ITGAL: variants seen among roughly 807,000 people sequenced by gnomAD.
ITGAL encodes integrin alpha-L.
Under a neutral mutation model 138.4 loss-of-function variants are expected in ITGAL, and 68 were observed. The ratio of observed to expected loss-of-function variants is 0.49; its 90% CI spans 0.40 to 0.60. The LOEUF (loss-of-function observed/expected upper bound fraction) is 0.60, where lower values mean the gene tolerates loss of function less well. Ranked by LOEUF, ITGAL falls within the 20% of genes least tolerant of loss-of-function variation. The probability of loss-of-function intolerance (pLI) is 0.00; values close to 1 mark genes in which losing one functional copy is unlikely to be tolerated. For missense variants in ITGAL, 1,256 were observed against 1,478.6 expected, an observed-to-expected ratio of 0.85 and a Z score of 2.47; for synonymous variants, 561 against 584.3, an observed-to-expected ratio of 0.96 and a Z score of 0.57.
chr16:30,504,442 T>C (rs982584282), intron 18 of ITGAL, among the ~76,000 whole-genome samples, 178 bp downstream of exon 18: 9 of 151,944 alleles, frequency 5.9e-5, no homozygotes, highest in African/African-American at 2.2e-4. Flanking sequence ...TGAAACCCCA[T>C]CTCTACTAAA....
intron 4 of ITGAL, 151 bp downstream of exon 4, chr16:30,475,731 AG>A: frequency 2.6e-6 from 1 of 381,570 alleles, no homozygotes; most frequent in Non-Finnish European, 4.8e-6. Context: ...ATGATGAACC[AG>A]CCTTTTTTTT....
chr16:30,499,723 A>ATGTGTATATATATTTACG (rs1472099995), intron 17 of ITGAL, among the ~76,000 whole-genome samples: 1 of 83,774 alleles, frequency 1.2e-5, no homozygotes, highest in Non-Finnish European at 2.2e-5. Context: ...GTATATATAT[A>ATGTGTATATATATTTACG]TATATATATA....
At position 30,494,193 on chromosome 16, in the gene ITGAL, C is replaced by G. The variant is rs1268369090; in HGVS notation, c.1214-19C>G. Reference sequence around the variant, plus strand: ...AGCATCCTGTGTTCCTAACTCCACACCCCACACACTTTCCTCAGGTTACAC... The same window carrying G: ...AGCATCCTGTGTTCCTAACTCCACAGCCCACACACTTTCCTCAGGTTACAC... On this transcript the variant is annotated intron_variant, in intron 11 of 30. Transcript: ENST00000356798. The surrounding 1 kb of genome is among the most constrained non-coding windows in gnomAD (Gnocchi z 4.2). 6.3e-7 allele frequency: 1 copy of G among 1,580,182 alleles called. No homozygotes were observed. The highest frequency in any genetic ancestry group is 1.3e-5 in the African/African-American group (1 of 74,540).
intron 20 of ITGAL, 89 bp downstream of exon 20, chr16:30,505,551 C>T: frequency 1.0e-6 from 1 of 974,992 alleles, no homozygotes; most frequent in Admixed American, 1.9e-5. Flanking sequence ...TTGCAGACAC[C>T]ACTTCCCTCT....
intron 6 of ITGAL, chr16:30,481,181 CACCA>C (rs2050552812): frequency 2.0e-5 from 8 of 392,056 alleles, no homozygotes; most frequent in South Asian, 9.4e-5. Flanking sequence ...CACACACACA[CACCA>C]CACACACACA....
At chr16:30,516,025 C>G (rs1258931500) in intron 25 of ITGAL, among the ~76,000 whole-genome samples, 1 of 151,956 alleles carries the variant, frequency 6.6e-6, no homozygotes, top group Non-Finnish European at 1.5e-5. Context: ...AATACTGCCC[C>G]TGACATTTGG....
intron 4 of ITGAL, among the ~76,000 whole-genome samples, chr16:30,478,086 C>T (rs771775287): frequency 1.3e-5 from 2 of 151,344 alleles, no homozygotes; most frequent in Non-Finnish European, 3.0e-5. Flanking sequence ...CCTGTAATCC[C>T]AGCACTTTGG....
chr16:30,474,086 GCGGGTGGCCTGGGGAGCGACATC>G (rs1474420835), intron 1 of ITGAL, 87 bp from the exon 2 acceptor site: 5 of 762,526 alleles, frequency 6.6e-6, no homozygotes, highest in Non-Finnish European at 1.1e-5. Context: ...AGCGCAGGGT[GCGGGTGGCCTGGGGAGCGACATC>G]CGGGTGGGCC....
chr16:30,501,948 G>T (rs948467565), intron 17 of ITGAL, among the ~76,000 whole-genome samples: 2 of 151,352 alleles, frequency 1.3e-5, no homozygotes, highest in African/African-American at 4.9e-5. Flanking sequence ...CAGGAGGATT[G>T]CTTGAACCCA....
In ITGAL at chr16:30,519,857, G is replaced by T. The variant is rs200147185; in HGVS notation, c.3229G>T (p.Val1077Phe). ...LYGSNASLAQVVMKVDVVYEK... is the reference protein window; with the variant it reads ...LYGSNASLAQFVMKVDVVYEK... ...GGCACTCCCCTCCCCCTGCTCCCAG[G>T]TTGTCATGAAGGTTGACGTGGTGTA... The change falls in exon 30 of 31, where the codon GTT (valine) becomes TTT (phenylalanine). Residue 1077 changes from valine (V) to phenylalanine (F), a missense_variant and splice_region_variant. This residue lies in a region of ITGAL where 867 missense variants were observed against 972.5 expected (regional missense o/e 0.89). Coordinates refer to ENST00000356798, the MANE Select transcript of ITGAL (RefSeq NM_002209.3). 2 of 1,609,914 alleles carry T rather than the reference G, an allele frequency of 1.2e-6. No individual in the cohort carries two copies. The highest frequency in any genetic ancestry group is 1.3e-5 in the African/African-American group (1 of 74,816).
chr16:30,506,874 G>A lies in ITGAL; in HGVS notation c.2508+18G>A, dbSNP rs761460259. 5.0e-6 allele frequency: 8 copies of A among 1,612,938 alleles called. No individual in the cohort carries two copies. Among genetic ancestry groups the A allele is most frequent in the South Asian group, 2.2e-5 (2 of 91,050 alleles). On this transcript the variant is annotated intron_variant, in intron 21 of 30. Coordinates refer to ENST00000356798, the MANE Select transcript of ITGAL (RefSeq NM_002209.3). Reference sequence around the variant, plus strand: ...TGCTGAAGGTGGGTGAGAGGACAGCGCCTGCCTGCGGGCATCTGTTCGGCA... The same window carrying A: ...TGCTGAAGGTGGGTGAGAGGACAGCACCTGCCTGCGGGCATCTGTTCGGCA...
In ITGAL at chr16:30,494,585, TA is replaced by T. The variant is rs1293998016; in HGVS notation, c.1366-127del. ...CCACCTTGTCTTAACGCACATAGAC[TA>T]GGGGTGGATCCAAGATTGGAACCTG... On this transcript the variant is annotated intron_variant, in intron 12 of 30. Coordinates refer to ENST00000356798, the MANE Select transcript of ITGAL (RefSeq NM_002209.3). The surrounding 1 kb of genome is among the most constrained non-coding windows in gnomAD (Gnocchi z 4.2). 3 of 1,233,950 alleles carry T rather than the reference TA, an allele frequency of 2.4e-6. No individual in the cohort carries two copies. Among genetic ancestry groups the T allele is most frequent in the Non-Finnish European group, 3.3e-6 (3 of 902,536 alleles). 76.4% of individuals were successfully genotyped at this position (1,233,950 alleles called of 1,614,324 possible).
At chr16:30,491,340 G>T (rs1241592425) in intron 11 of ITGAL, among the ~76,000 whole-genome samples, 4 of 151,158 alleles carry the variant, frequency 2.6e-5, no homozygotes, top group Non-Finnish European at 4.4e-5. Flanking sequence ...GGTACAGGTT[G>T]CAGTGAGCCG....
Position 30,522,966 on chromosome 16 carries a change from A to T in ITGAL, c.*1301A>T, listed in dbSNP as rs531383796. ...CGTCTCAAGGAAAAAATAAAAATAA[A>T]AAGCGGGCACGGGCCCGTGACATCC... On this transcript the variant is annotated 3_prime_UTR_variant, in exon 31 of 31. Transcript: ENST00000356798. This position sits in a 1 kb window ranked among gnomAD's most constrained non-coding sequence, Gnocchi z 4.0. 2.6e-5 allele frequency: 4 copies of T among 152,446 alleles called. No homozygotes were observed. The highest frequency in any genetic ancestry group is 9.6e-5 in the African/African-American group (4 of 41,552). The allele number at this position is 152,446 out of a possible 1,614,324, so 9.4% of individuals were successfully genotyped here.
chr16:30,483,621 G>A (rs1204883846), intron 7 of ITGAL, among the ~76,000 whole-genome samples: 2 of 152,176 alleles, frequency 1.3e-5, no homozygotes, highest in Admixed American at 6.5e-5. Flanking sequence ...TGCCCAGGAT[G>A]CAGTGTGAGG....
Position 30,496,221 on chromosome 16 carries a change from C to A in ITGAL, c.1628C>A (p.Ala543Asp). The stretch of plus-strand genomic sequence containing the variant: ...GGGCTGGTAGACGTGGCTGTGGGGG[C>A]CCCTCTGGAGGAGCAGGGGGCTGTG... The part of the protein sequence containing the change: ...GDGLVDVAVG[A>D]PLEEQGAVYI... The change falls in exon 14 of 31, where the codon GCC becomes GAC. Residue 543 changes from alanine (A) to aspartate (D), a missense_variant. Coordinates refer to ENST00000356798, the MANE Select transcript of ITGAL (RefSeq NM_002209.3). 6.2e-7 allele frequency: 1 copy of A among 1,612,956 alleles called. No homozygotes were observed.
intron 24 of ITGAL, among the ~76,000 whole-genome samples, chr16:30,512,937 G>A (rs1204577549): frequency 6.6e-6 from 1 of 152,208 alleles, no homozygotes; most frequent in Non-Finnish European, 1.5e-5. Flanking sequence ...CTGAACTCAG[G>A]TGATCTACCT....
intron 25 of ITGAL, among the ~76,000 whole-genome samples, chr16:30,516,476 C>T (rs1034999454): frequency 6.6e-6 from 1 of 152,036 alleles, no homozygotes; most frequent in Admixed American, 6.6e-5. Flanking sequence ...GTGATCTGCC[C>T]ACCTCAGCCT....
Position 30,520,015 on chromosome 16 carries a change from G to A in ITGAL, c.3339+48G>A, listed in dbSNP as rs2051229445. On this transcript the variant is annotated intron_variant, in intron 30 of 30. Coordinates refer to ENST00000356798, the MANE Select transcript of ITGAL (RefSeq NM_002209.3). The stretch of plus-strand genomic sequence containing the variant: ...GGCATTGCTGAGACAGCCAGGCTGG[G>A]GAAGGGGATCTGGTGGGAGCCAGGG... 2.9e-6 allele frequency: 4 copies of A among 1,375,366 alleles called. No homozygotes were observed. In the East Asian group the frequency reaches 6.9e-5, roughly 24 times the overall value. 85.2% of individuals were successfully genotyped at this position (1,375,366 alleles called of 1,614,324 possible).
Sources: allele counts gnomAD v4.1 joint callset (sites outside exome capture counted in the v4.1 genomes callset), GRCh38; gene constraint gnomAD v4.1.1; regional missense constraint gnomAD v4.1.1; non-coding constraint Gnocchi (gnomAD v3.1); transcripts MANE v1.5; gene names NCBI Gene and HGNC (gene_info 2026-07-23, HGNC 2026-07-21).